CDK14: variants seen among roughly 807,000 people sequenced by gnomAD.
The protein encoded by CDK14 is cyclin-dependent kinase 14.
A neutral mutation model predicts 60.7 loss-of-function variants in CDK14; 34 were observed. The ratio of observed to expected loss-of-function variants is 0.56; its 90% CI spans 0.43 to 0.75. The LOEUF is 0.75. CDK14 is among the 30% of genes least tolerant of loss of function. CDK14 has a pLI of 0.00. For synonymous variants in CDK14, 197 were observed against 203.7 expected (o/e 0.97, Z 0.28); for missense variants, 482 against 564.1 (o/e 0.85, Z 1.47).
intron 10 of CDK14, among the ~76,000 whole-genome samples, chr7:91,042,476 A>G (rs1368988961): frequency 6.6e-6 from 1 of 152,206 alleles, no homozygotes; most frequent in African/African-American, 2.4e-5. Context: ...TCACTAGACC[A>G]GGAGCACTTC....
intron 3 of CDK14, 56 bp downstream of exon 3, chr7:90,726,868 G>A: frequency 1.3e-6 from 2 of 1,583,230 alleles, no homozygotes; most frequent in Non-Finnish European, 1.7e-6. Flanking sequence ...GCCTTCTTAT[G>A]ATAGCATGCG....
intron 5 of CDK14, among the ~76,000 whole-genome samples, chr7:90,831,217 T>C (rs1789900600): frequency 6.6e-6 from 1 of 152,190 alleles, no homozygotes; most frequent in Non-Finnish European, 1.5e-5. Flanking sequence ...CAAAAGAGGT[T>C]TAATTGACTC....
intron 4 of CDK14, among the ~76,000 whole-genome samples, chr7:90,757,209 A>AGTGTGTGTGTGTGTGTGTGTGTGT (rs56790315): frequency 8.3e-5 from 10 of 120,380 alleles, no homozygotes; most frequent in South Asian, 2.9e-4. Context: ...GCATTCTTCC[A>AGTGTGTGTGTGTGTGTGTGTGTGT]GTGTGTGTGT....
chr7:91,186,146 TC>T (rs1802176012), intron 14 of CDK14, among the ~76,000 whole-genome samples: 1 of 17,364 alleles, frequency 5.8e-5, no homozygotes, highest in African/African-American at 2.2e-4. Context: ...CCCTCTCCTC[TC>T]CTCTCCTCCC....
intron 8 of CDK14, among the ~76,000 whole-genome samples, chr7:90,927,216 A>G (rs1233589052): frequency 6.6e-6 from 1 of 152,116 alleles, no homozygotes; most frequent in Admixed American, 6.5e-5. Context: ...GGAGTTGCAG[A>G]TTACAACCCT....
intron 2 of CDK14, among the ~76,000 whole-genome samples, chr7:90,674,918 C>T (rs773731742): frequency 6.6e-6 from 1 of 152,200 alleles, no homozygotes; most frequent in African/African-American, 2.4e-5. Context: ...CAGCTCTGTC[C>T]ATCTGGAATA....
At chr7:90,792,102 G>A (rs574519677) in intron 5 of CDK14, among the ~76,000 whole-genome samples, 65 of 151,482 alleles carry the variant, frequency 4.3e-4, no homozygotes, top group Middle Eastern at 3.4e-3. Flanking sequence ...GGGTTTCACC[G>A]TGTTGGCCAG....
In CDK14 at chr7:90,625,680, G is replaced by A. The variant is rs867887262; in HGVS notation, c.123+21431G>A. On this transcript the variant is annotated intron_variant, in intron 2 of 14. Coordinates refer to ENST00000380050, the MANE Select transcript of CDK14 (RefSeq NM_001287135.2). ...GAAGGCTTTGTGATAAAAGCCAGCT[G>A]CCCAGACATTTCCAAACCCTCCTCA... Among the ~76,000 whole-genome samples the A allele has an allele frequency of 6.6e-5, 10 of 152,254 alleles. No individual in the cohort carries two copies. The South Asian group carries it at 1.7e-3, about 25-fold the overall frequency.
intron 2 of CDK14, among the ~76,000 whole-genome samples, chr7:90,713,309 T>C (rs542122072): frequency 6.6e-6 from 1 of 152,214 alleles, no homozygotes; most frequent in Admixed American, 6.5e-5. Context: ...CAGCAGTTTA[T>C]ATCCATGCTT....
At chr7:90,787,833 A>C (rs1033171001) in intron 4 of CDK14, among the ~76,000 whole-genome samples, 1 of 152,216 alleles carries the variant, frequency 6.6e-6, no homozygotes, top group Admixed American at 6.5e-5. Flanking sequence ...CCATGAACCT[A>C]GGTCTTGTTT....
At chr7:91,062,105 A>G (rs1324614326) in intron 11 of CDK14, among the ~76,000 whole-genome samples, 1 of 151,880 alleles carries the variant, frequency 6.6e-6, no homozygotes, top group Non-Finnish European at 1.5e-5. Context: ...AATGGTGGGC[A>G]CCCCTCCCCC....
chr7:91,207,465 T>C lies in CDK14; in HGVS notation c.*329T>C, dbSNP rs1333055557. ...ATTTCCCTCTGCAGCACAGCGTCTC[T>C]GTAAAGGTTTTTATGCTTTCACCAG... On this transcript the variant is annotated 3_prime_UTR_variant, in exon 15 of 15. Transcript: ENST00000380050. 1.3e-5 allele frequency: 2 copies of C among 152,668 alleles called. No individual in the cohort carries two copies. The highest frequency in any genetic ancestry group is 6.5e-5 in the Admixed American group (1 of 15,288). The allele number at this position is 152,668 out of a possible 1,614,324, so 9.5% of individuals were successfully genotyped here. A position where few individuals can be genotyped will look rare whatever the true frequency, so the allele number is the denominator to read the frequency against.
At chr7:91,196,374 T>G (rs1450197649) in intron 14 of CDK14, among the ~76,000 whole-genome samples, 1 of 152,228 alleles carries the variant, frequency 6.6e-6, no homozygotes, top group African/African-American at 2.4e-5. Flanking sequence ...ACCACTGGAA[T>G]CCATTTTTAA....
At chr7:90,649,434 TCTTTCCTTCCTTCTTTCC>T (rs1800575798) in intron 2 of CDK14, among the ~76,000 whole-genome samples, 1 of 73,334 alleles carries the variant, frequency 1.4e-5, no homozygotes, top group Non-Finnish European at 2.5e-5. Flanking sequence ...TCTTTCTTTC[TCTTTCCTTCCTTCTTTCC>T]TTCTTTATTT....
At chr7:91,093,181 C>G (rs1023197728) in intron 12 of CDK14, among the ~76,000 whole-genome samples, 1 of 152,144 alleles carries the variant, frequency 6.6e-6, no homozygotes, top group Non-Finnish European at 1.5e-5. Context: ...GCGTGTCACT[C>G]TATTTGGAAG....
chr7:90,643,886 G>A (rs904622526), intron 2 of CDK14, among the ~76,000 whole-genome samples: 3 of 152,100 alleles, frequency 2.0e-5, no homozygotes, highest in African/African-American at 4.8e-5. Flanking sequence ...GGAGTGAAAC[G>A]ATATAAATCA....
intron 12 of CDK14, among the ~76,000 whole-genome samples, chr7:91,091,888 C>T (rs553856478): frequency 6.6e-6 from 1 of 151,580 alleles, no homozygotes; most frequent in Non-Finnish European, 1.5e-5. Flanking sequence ...TACATTATGC[C>T]GATATTGTTA....
At chr7:90,666,626 T>C (rs1800984657) in intron 2 of CDK14, among the ~76,000 whole-genome samples, 2 of 152,248 alleles carry the variant, frequency 1.3e-5, no homozygotes, top group Non-Finnish European at 2.9e-5. Flanking sequence ...ATGTCTGTTA[T>C]TTCACGGAAC....
At chr7:91,159,339 A>G (rs930267774) in intron 14 of CDK14, among the ~76,000 whole-genome samples, 3 of 152,244 alleles carry the variant, frequency 2.0e-5, no homozygotes, top group Non-Finnish European at 4.4e-5. Flanking sequence ...GAGACTCAGC[A>G]TGGTCATGCT....
Sources: allele counts gnomAD v4.1 joint callset (sites outside exome capture counted in the v4.1 genomes callset), GRCh38; gene constraint gnomAD v4.1.1; transcripts MANE v1.5; gene names NCBI Gene and HGNC (gene_info 2026-07-23, HGNC 2026-07-21).